The following TNRC6B variants were observed in gnomAD, a reference collection of about 807,000 sequenced individuals.
TNRC6B encodes trinucleotide repeat containing adaptor 6B, also known as trinucleotide repeat-containing gene 6B protein.
Under a neutral mutation model 203.6 loss-of-function variants are expected in TNRC6B, and 52 were observed. The observed-to-expected ratio is 0.26, with a 90% CI of 0.20 to 0.32. The LOEUF is 0.32. TNRC6B is among the 10% of genes least tolerant of loss of function. TNRC6B has a pLI of 1.00. For synonymous variants in TNRC6B, 838 were observed against 845.7 expected, an observed-to-expected ratio of 0.99 and a Z score of 0.16; for missense variants, 1,923 against 2,286.2, an observed-to-expected ratio of 0.84 and a Z score of 3.24.
chr22:40,307,938 T>C (rs985038340), intron 15 of TNRC6B, among the ~76,000 whole-genome samples: 2 of 152,136 alleles, frequency 1.3e-5, no homozygotes, highest in African/African-American at 4.8e-5. Flanking sequence ...TCATTTCTCC[T>C]CATCCCCCAC....
At chr22:40,313,122 A>G in intron 19 of TNRC6B, 125 bp downstream of exon 19, 2 of 712,160 alleles carry the variant, frequency 2.8e-6, no homozygotes, top group South Asian at 1.8e-5. Context: ...ATAGGTCAGT[A>G]TAGATGGAAG....
chr22:40,307,883 C>T (rs1255772667), intron 15 of TNRC6B, among the ~76,000 whole-genome samples: 5 of 152,094 alleles, frequency 3.3e-5, no homozygotes, highest in Admixed American at 6.6e-5. Context: ...AAAAAAAGAT[C>T]CGAACTCCTT....
Position 40,261,869 on chromosome 22 carries a change from G to A in TNRC6B, c.153G>A (p.Thr51=), listed in dbSNP as rs777032843. ...EVTKPSLSQP[T]AASPIGSSPS... ...CGAAACCAAGTTTAAGCCAACCAAC[G>A]GCCGCCAGCCCAATTGGCAGCTCTC... The change falls in exon 4 of 23, where the codon ACG becomes ACA. Residue 51 remains threonine, a synonymous_variant. Transcript: ENST00000454349. 8.2e-6 allele frequency: 13 copies of A among 1,581,604 alleles called. No homozygotes were observed. Among genetic ancestry groups the A allele is most frequent in the East Asian group, 2.3e-5 (1 of 44,136 alleles).
At chr22:40,202,260 G>GTTTTTGTTTTTTTTTTTTTTTTTTTTTT (rs761983025) in intron 1 of TNRC6B, among the ~76,000 whole-genome samples, 1 of 129,774 alleles carries the variant, frequency 7.7e-6, no homozygotes, top group Admixed American at 7.8e-5. Flanking sequence ...TTGTTTTTTT[G>GTTTTTGTTTTTTTTTTTTTTTTTTTTTT]TTTTTTTTTT....
chr22:40,296,718 C>T (rs1227863239), intron 12 of TNRC6B, among the ~76,000 whole-genome samples: 1 of 151,946 alleles, frequency 6.6e-6, no homozygotes, highest in Non-Finnish European at 1.5e-5. Context: ...ACCTCCGCCA[C>T]CTGGGTTCAA....
chr22:40,061,457 A>G (rs1048108538), intron 1 of TNRC6B, among the ~76,000 whole-genome samples: 10 of 151,618 alleles, frequency 6.6e-5, no homozygotes, highest in Admixed American at 6.6e-4. Context: ...TCCTGACCTC[A>G]GGTGATCCAC....
intron 9 of TNRC6B, among the ~76,000 whole-genome samples, 177 bp downstream of exon 9, chr22:40,278,221 G>A (rs1296782490): frequency 6.6e-6 from 1 of 152,148 alleles, no homozygotes; most frequent in Non-Finnish European, 1.5e-5. Context: ...CATGACTACA[G>A]GAGTCAGCAA....
intron 3 of TNRC6B, among the ~76,000 whole-genome samples, chr22:40,149,382 G>C (rs1283112184): frequency 1.3e-5 from 2 of 151,998 alleles, no homozygotes; most frequent in African/African-American, 4.8e-5. Flanking sequence ...AGCTTAAAGA[G>C]GGATGACTGG....
chr22:40,323,513 T>C lies in TNRC6B; in HGVS notation c.*272T>C. 1 of 340,304 alleles carries C rather than the reference T, an allele frequency of 2.9e-6. No homozygotes were observed. The highest frequency in any genetic ancestry group is 5.3e-6 in the Non-Finnish European group (1 of 186,944). 21.1% of individuals were successfully genotyped at this position (340,304 alleles called of 1,614,324 possible). ...CATGAACGCCAACCTAGAAAGACAA[T>C]GTGAAGCAAGTACACATACCATTTA... On this transcript the variant is annotated 3_prime_UTR_variant, in exon 23 of 23. Transcript: ENST00000454349.
chr22:40,221,210 T>A (rs949968435), intron 1 of TNRC6B, among the ~76,000 whole-genome samples: 1 of 152,200 alleles, frequency 6.6e-6, no homozygotes, highest in Non-Finnish European at 1.5e-5. Flanking sequence ...GTTTCTTTTT[T>A]GTCAGGACAA....
chr22:40,319,379 C>T (rs1342379748), intron 21 of TNRC6B, among the ~76,000 whole-genome samples: 1 of 150,822 alleles, frequency 6.6e-6, no homozygotes, highest in Non-Finnish European at 1.5e-5. Flanking sequence ...AGAGAAAGAC[C>T]ACATTCACAT....
At chr22:40,170,909 A>G (rs2068986122) in intron 4 of TNRC6B, among the ~76,000 whole-genome samples, 1 of 142,342 alleles carries the variant, frequency 7.0e-6, no homozygotes, top group Non-Finnish European at 1.5e-5. Context: ...ATATATGTGC[A>G]TATATGTGTG....
In TNRC6B at chr22:40,113,225, C is replaced by T. The variant is rs554936950; in HGVS notation, c.-120-3830C>T. ...ATGGACAGACAGTATTTTTACAGAACTTCCAAAGCGTTGAAGTGAAGTAGG... is the reference window on the plus strand; with the variant it reads ...ATGGACAGACAGTATTTTTACAGAATTTCCAAAGCGTTGAAGTGAAGTAGG... On this transcript the variant is annotated intron_variant, in intron 1 of 23. Coordinates refer to the TNRC6B transcript ENST00000301923. 2.6e-5 allele frequency among the ~76,000 whole-genome samples: 4 copies of T among 152,322 alleles called. No individual in the cohort carries two copies. In the East Asian group the frequency reaches 7.7e-4, roughly 29 times the overall value.
At position 40,052,079 on chromosome 22, in the gene TNRC6B, C is replaced by G. The variant is rs984366818; in HGVS notation, c.-121+7081C>G. On this transcript the variant is annotated intron_variant, in intron 1 of 23. Coordinates refer to the TNRC6B transcript ENST00000301923. ...TACCTGGGTACTTCCAGCCACTGGT[C>G]TTTTGGCTACTATTCCCCTCACCTA... Among the ~76,000 whole-genome samples, 5 of 152,272 alleles carry G rather than the reference C, an allele frequency of 3.3e-5. No homozygotes were observed. In the East Asian group the frequency reaches 7.7e-4, roughly 23 times the overall value.
At chr22:40,106,973 T>G in intron 1 of TNRC6B, 1 of 1,180,050 alleles carries the variant, frequency 8.5e-7, no homozygotes, top group Non-Finnish European at 1.2e-6. Flanking sequence ...TCTCAGGCGC[T>G]TGATCTTCAG....
chr22:40,249,180 T>C (rs1202232590), intron 2 of TNRC6B, among the ~76,000 whole-genome samples: 2 of 152,216 alleles, frequency 1.3e-5, no homozygotes, highest in African/African-American at 4.8e-5. Context: ...TCTTCACTGT[T>C]AGACTGACTG....
intron 3 of TNRC6B, among the ~76,000 whole-genome samples, chr22:40,146,689 A>G (rs2068698450): frequency 1.3e-5 from 2 of 151,046 alleles, no homozygotes; most frequent in African/African-American, 4.9e-5. Flanking sequence ...CCTCCTGAAT[A>G]ACTGGGATTA....
chr22:40,046,645 A>ATTTT (rs754235884), intron 1 of TNRC6B, among the ~76,000 whole-genome samples: 1 of 130,820 alleles, frequency 7.6e-6, no homozygotes, highest in African/African-American at 3.1e-5. Context: ...CAGAGTCTCA[A>ATTTT]TTTTTTTTTT....
intron 2 of TNRC6B, among the ~76,000 whole-genome samples, chr22:40,119,152 GTATT>G: frequency 6.6e-6 from 1 of 152,194 alleles, no homozygotes; most frequent in African/African-American, 2.4e-5. Context: ...GACATTACTT[GTATT>G]TAGTTCTTAA....
Sources: gnomAD v4.1 joint callset for allele counts (sites outside exome capture counted in the v4.1 genomes callset) on GRCh38, gnomAD v4.1.1 for gene constraint, MANE v1.5 for transcripts, NCBI Gene and HGNC (gene_info 2026-07-23, HGNC 2026-07-21) for gene names.